The following GPR20 variants were observed in gnomAD, a reference collection of about 807,000 sequenced individuals.
The protein encoded by GPR20 is G protein-coupled receptor 20, also known as CTD-3064M3.3.
For synonymous variants in GPR20, 241 were observed against 241.9 expected (o/e 1.00, Z 0.04); for missense variants, 494 against 527.4 (o/e 0.94, Z 0.62).
Position 141,357,857 on chromosome 8 carries a change from C to T in GPR20, c.67G>A (p.Val23Met). The change falls in exon 2 of 2, where the codon GTG becomes ATG. Residue 23 changes from valine to methionine, a missense_variant. Coordinates refer to ENST00000377741, the MANE Select transcript of GPR20 (RefSeq NM_005293.3). ...TCCAGCCCGCTGGCATTGGTCCGCACTGTTGTCACTGCGGTGGCATTGGGG... is the reference window on the plus strand; with the variant it reads ...TCCAGCCCGCTGGCATTGGTCCGCATTGTTGTCACTGCGGTGGCATTGGGG... Reference protein sequence around the residue: ...AVPNATAVTTVRTNASGLEVP... With the variant: ...AVPNATAVTTMRTNASGLEVP... 2 of 1,611,356 alleles carry T rather than the reference C, an allele frequency of 1.2e-6. No homozygotes were observed. The highest frequency in any genetic ancestry group is 1.7e-6 in the Non-Finnish European group (2 of 1,178,834).
chr8:141,358,474 C>T (rs1345341164), intron 1 of GPR20, among the ~76,000 whole-genome samples: 2 of 152,188 alleles, frequency 1.3e-5, no homozygotes, highest in East Asian at 3.9e-4. Context: ...GTCAGCACGG[C>T]AGCGCCAGCA....
At position 141,357,901 on chromosome 8, in the gene GPR20, C is replaced by A. The variant is rs112529921; in HGVS notation, c.23G>T (p.Gly8Val). 5.7e-5 allele frequency: 90 copies of A among 1,573,798 alleles called. 1 individual carries two copies. In the African/African-American group the frequency reaches 8.2e-4, roughly 14 times the overall value. ...ATTGGGGACTGCCCCGGCCGAGGGC[C>A]CCGCTGGAGACACAGAGGGCATGAC... MPSVSPA[G>V]PSAGAVPNAT... Residue 8 changes from glycine to valine, a missense_variant, in exon 2 of 2, where the codon GGG (glycine) becomes GTG (valine). Physicochemically the swap from Gly to Val is moderately radical, Grantham distance 109. Coordinates refer to ENST00000377741, the MANE Select transcript of GPR20 (RefSeq NM_005293.3).
chr8:141,359,280 C>T lies in GPR20; in HGVS notation c.-24-1333G>A, dbSNP rs564962403. 1.7e-4 allele frequency among the ~76,000 whole-genome samples: 26 copies of T among 152,316 alleles called. No individual in the cohort carries two copies. The East Asian group carries it at 4.6e-3, about 27-fold the overall frequency. On this transcript the variant is annotated intron_variant, in intron 1 of 1. Transcript: ENST00000377741. Reference sequence around the variant, plus strand: ...GTGGCCCCATCCCACCCCTGGGGAACAATGAGCCCTGCCTTCAAACAGCCC... The same window carrying T: ...GTGGCCCCATCCCACCCCTGGGGAATAATGAGCCCTGCCTTCAAACAGCCC...
At chr8:141,361,297 G>C (rs1174325774) in intron 1 of GPR20, among the ~76,000 whole-genome samples, 1 of 152,266 alleles carries the variant, frequency 6.6e-6, no homozygotes, top group African/African-American at 2.4e-5. Context: ...AGGGCTGAGA[G>C]TCAGTGAGTG....
chr8:141,357,042 G>C lies in GPR20; in HGVS notation c.882C>G (p.Pro294=). 1 of 1,612,936 alleles carries C rather than the reference G, an allele frequency of 6.2e-7. No homozygotes were observed. The highest frequency in any genetic ancestry group is 8.5e-7 in the Non-Finnish European group (1 of 1,179,716). The change falls in exon 2 of 2, where the codon CCC becomes CCG. Residue 294 remains proline, a synonymous_variant. Transcript: ENST00000377741. ...TLSSLNSCMD[P]IVYCFVTSGF... ...CACTGGTGACGAAGCAGTAGACGAT[G>C]GGGTCCATGCAGCTGTTGAGGCTGC...
At chr8:141,367,112 T>A (rs1011644627) in intron 1 of GPR20, 89 bp downstream of exon 1, 2 of 151,678 alleles carry the variant, frequency 1.3e-5, no homozygotes, top group Non-Finnish European at 2.9e-5. Context: ...TGGCTGGGGG[T>A]GAGAACCCCT....
rs962028513 is a variant in GPR20 at position 141,356,617 on chromosome 8, C to T, written c.*230G>A. On this transcript the variant is annotated 3_prime_UTR_variant, in exon 2 of 2. Coordinates refer to ENST00000377741, the MANE Select transcript of GPR20 (RefSeq NM_005293.3). ...GTGAGTTTTCAGTGGACGTGCTATACCCCAGGAACAGCAAATCACCGGCAT... is the reference window on the plus strand; with the variant it reads ...GTGAGTTTTCAGTGGACGTGCTATATCCCAGGAACAGCAAATCACCGGCAT... 2.6e-5 allele frequency: 13 copies of T among 492,754 alleles called. No homozygotes were observed. Among genetic ancestry groups the T allele is most frequent in the African/African-American group, 2.2e-4 (11 of 51,080 alleles). The allele number at this position is 492,754 out of a possible 1,614,324, so 30.5% of individuals were successfully genotyped here. A position where few individuals can be genotyped will look rare whatever the true frequency, so the allele number is the denominator to read the frequency against.
intron 1 of GPR20, among the ~76,000 whole-genome samples, chr8:141,362,342 C>T (rs1437253712): frequency 2.6e-5 from 4 of 152,290 alleles, no homozygotes; most frequent in African/African-American, 7.2e-5. Context: ...CATCCCACGG[C>T]GCTGCTATGT....
Position 141,356,876 on chromosome 8 carries a change from G to C in GPR20, c.1048C>G (p.Gln350Glu), listed in dbSNP as rs201226922. ...ILSAGPHALT[Q>E]ALANGPEA ...GCCTCGGGCCCATTAGCCAGGGCCT[G>C]GGTGAGGGCGTGAGGGCCGGCACTG... Residue 350 changes from glutamine (Q) to glutamate (E), a missense_variant, in exon 2 of 2, where the codon CAG (glutamine) becomes GAG (glutamate). Transcript: ENST00000377741. 1 of 1,605,694 alleles carries C rather than the reference G, an allele frequency of 6.2e-7. No individual in the cohort carries two copies. The highest frequency in any genetic ancestry group is 2.2e-5 in the East Asian group (1 of 44,708).
chr8:141,363,108 G>A (rs960024134), intron 1 of GPR20, among the ~76,000 whole-genome samples: 4 of 152,226 alleles, frequency 2.6e-5, no homozygotes, highest in African/African-American at 7.2e-5. Context: ...TCTACCACCC[G>A]CCACCTTCGA....
Position 141,357,885 on chromosome 8 carries a change from T to G in GPR20, c.39A>C (p.Ala13=). The change falls in exon 2 of 2, where the codon GCA becomes GCC. Residue 13 remains alanine (A), a synonymous_variant. Coordinates refer to ENST00000377741, the MANE Select transcript of GPR20 (RefSeq NM_005293.3). The stretch of plus-strand genomic sequence containing the variant: ...TTGTCACTGCGGTGGCATTGGGGAC[T>G]GCCCCGGCCGAGGGCCCCGCTGGAG... The part of the protein sequence containing the change: ...SVSPAGPSAG[A]VPNATAVTTV... 1 of 1,595,866 alleles carries G rather than the reference T, an allele frequency of 6.3e-7. No homozygotes were observed. Among genetic ancestry groups the G allele is most frequent in the Non-Finnish European group, 8.6e-7 (1 of 1,169,170 alleles).
Position 141,357,773 on chromosome 8 carries a change from C to G in GPR20, c.151G>C (p.Gly51Arg), listed in dbSNP as rs144567774. 758 of 1,613,462 alleles carry G rather than the reference C, an allele frequency of 4.7e-4. 3 individuals are homozygous for G. The highest frequency in any genetic ancestry group is 8.2e-5 in the Non-Finnish European group (97 of 1,179,976). Reference protein sequence around the residue: ...LDEELHGTFPGLWLALMAVHG... With the variant: ...LDEELHGTFPRLWLALMAVHG... Reference sequence around the variant, plus strand: ...ACCGCCATCAGCGCCAGCCACAGGCCTGGGAAGGTGCCATGCAGCTCCTCG... The same window carrying G: ...ACCGCCATCAGCGCCAGCCACAGGCGTGGGAAGGTGCCATGCAGCTCCTCG... Residue 51 changes from glycine to arginine, a missense_variant, in exon 2 of 2, where the codon GGC becomes CGC. Physicochemically the swap from Gly to Arg is moderately radical, Grantham distance 125. Transcript: ENST00000377741.
At chr8:141,366,036 C>T (rs2154616679) in intron 1 of GPR20, among the ~76,000 whole-genome samples, 1 of 152,202 alleles carries the variant, frequency 6.6e-6, no homozygotes, top group East Asian at 1.9e-4. Flanking sequence ...CCCCTCTGAT[C>T]TCCTTGAGCC....
intron 1 of GPR20, among the ~76,000 whole-genome samples, chr8:141,358,885 C>T (rs1217243996): frequency 6.6e-6 from 1 of 152,046 alleles, no homozygotes; most frequent in Non-Finnish European, 1.5e-5. Context: ...CACCGAGCTC[C>T]CGTCTGGCCT....
chr8:141,359,553 G>C (rs538684015), intron 1 of GPR20, among the ~76,000 whole-genome samples: 1 of 152,322 alleles, frequency 6.6e-6, no homozygotes, highest in East Asian at 1.9e-4. Flanking sequence ...CCCAGGCTCA[G>C]CTCCCAGCTC....
intron 1 of GPR20, among the ~76,000 whole-genome samples, chr8:141,366,440 C>T (rs1339441132): frequency 6.6e-6 from 1 of 152,190 alleles, no homozygotes; most frequent in Non-Finnish European, 1.5e-5. Context: ...TGGCTGCTGG[C>T]CAGTTCCCAG....
At chr8:141,362,013 G>A (rs552716556) in intron 1 of GPR20, among the ~76,000 whole-genome samples, 4 of 152,316 alleles carry the variant, frequency 2.6e-5, no homozygotes, top group Non-Finnish European at 2.9e-5. Flanking sequence ...CGTCCTAGGC[G>A]GGGCTGCCGC....
Position 141,357,266 on chromosome 8 carries a change from T to A in GPR20, c.658A>T (p.Met220Leu). 1 of 1,543,470 alleles carries A rather than the reference T, an allele frequency of 6.5e-7. No individual in the cohort carries two copies. Among genetic ancestry groups the A allele is most frequent in the Non-Finnish European group, 8.7e-7 (1 of 1,148,750 alleles). The change falls in exon 2 of 2, where the codon ATG (methionine) becomes TTG (leucine). Residue 220 changes from methionine to leucine, a missense_variant. Met to Leu is a conservative substitution (Grantham distance 15, BLOSUM62 2). Coordinates refer to ENST00000377741, the MANE Select transcript of GPR20 (RefSeq NM_005293.3). ...AGACCCGGCCGCGACAGTGCACACA[T>A]GATGCGGCCGGTAAACACGCTGATG... ...LVISVFTGRI[M>L]CALSRPGLLH...
At chr8:141,365,974 C>G (rs530299564) in intron 1 of GPR20, among the ~76,000 whole-genome samples, 121 of 152,186 alleles carry the variant, frequency 8.0e-4, no homozygotes, top group Non-Finnish European at 1.4e-3. Flanking sequence ...TTGGCTGGCC[C>G]CTCTGAGTCA....
Sources: allele counts gnomAD v4.1 joint callset (sites outside exome capture counted in the v4.1 genomes callset), GRCh38; gene constraint gnomAD v4.1.1; transcripts MANE v1.5; gene names NCBI Gene and HGNC (gene_info 2026-07-23, HGNC 2026-07-21).